DOCK4: variants seen among roughly 807,000 people sequenced by gnomAD.
The protein encoded by DOCK4 is dedicator of cytokinesis protein 4.
A neutral mutation model predicts 268.1 loss-of-function variants in DOCK4; 97 were observed. The ratio of observed to expected loss-of-function variants is 0.36; its 90% confidence interval spans 0.31 to 0.43. The LOEUF (loss-of-function observed/expected upper bound fraction) is 0.43, where lower values mean the gene tolerates loss of function less well. Ranked by LOEUF, DOCK4 falls within the 20% of genes least tolerant of loss-of-function variation. DOCK4 has a pLI of 1.00. For missense variants in DOCK4, 2,145 were observed against 2,455.7 expected, an observed-to-expected ratio of 0.87 and a Z score of 2.67; for synonymous variants, 954 against 887.2, an observed-to-expected ratio of 1.08 and a Z score of -1.34.
Position 111,867,938 on chromosome 7 carries a change from T to A in DOCK4, c.2280+46A>T, listed in dbSNP as rs570803461. ...CGCTGCTGTGTAAAAATAAATAAAC[T>A]GCACTTATCGTTTTCTTCTATTCAG... On this transcript the variant is annotated intron_variant, in intron 22 of 52. Transcript: ENST00000428084. 2.4e-5 allele frequency: 35 copies of A among 1,447,614 alleles called. No homozygotes were observed. The East Asian group carries it at 7.8e-4, about 32-fold the overall frequency. The allele number at this position is 1,447,614 out of a possible 1,614,324, so 89.7% of individuals were successfully genotyped here. A position where few individuals can be genotyped will look rare whatever the true frequency, so the allele number is the denominator to read the frequency against.
At chr7:111,919,302 T>G (rs1792900050) in intron 12 of DOCK4, among the ~76,000 whole-genome samples, 1 of 148,264 alleles carries the variant, frequency 6.7e-6, no homozygotes, top group South Asian at 2.2e-4. Context: ...GGAGGGGGAG[T>G]AATAATAAAC....
intron 1 of DOCK4, among the ~76,000 whole-genome samples, chr7:112,099,548 C>G (rs1270546101): frequency 6.6e-6 from 1 of 152,186 alleles, no homozygotes; most frequent in Non-Finnish European, 1.5e-5. Context: ...GGAAGGGTAA[C>G]AGTTCTGCTG....
intron 23 of DOCK4, among the ~76,000 whole-genome samples, chr7:111,850,029 T>G (rs1332379653): frequency 6.6e-6 from 1 of 152,104 alleles, no homozygotes; most frequent in Non-Finnish European, 1.5e-5. Context: ...TTGCTGCTAT[T>G]TCTTATGCAT....
chr7:111,977,413 GT>G, intron 7 of DOCK4, 130 bp from the exon 8 acceptor site: 22 of 1,008,286 alleles, frequency 2.2e-5, no homozygotes, highest in Non-Finnish European at 2.7e-5. Flanking sequence ...TGTGGATTTG[GT>G]ATCTAAATCC....
At chr7:111,833,757 T>G (rs1301601443) in intron 26 of DOCK4, among the ~76,000 whole-genome samples, 1 of 152,188 alleles carries the variant, frequency 6.6e-6, no homozygotes, top group Admixed American at 6.5e-5. Context: ...ATGTACTATC[T>G]ATATTAAAAA....
At chr7:112,120,784 G>C (rs1812660239) in intron 1 of DOCK4, among the ~76,000 whole-genome samples, 1 of 152,184 alleles carries the variant, frequency 6.6e-6, no homozygotes, top group Non-Finnish European at 1.5e-5. Context: ...AATGACCTCA[G>C]AGGCCTGATT....
intron 1 of DOCK4, among the ~76,000 whole-genome samples, chr7:112,047,883 G>T (rs1307857654): frequency 1.3e-5 from 2 of 152,042 alleles, no homozygotes; most frequent in African/African-American, 2.4e-5. Flanking sequence ...TAGAAATGGG[G>T]TCTCGCTATG....
chr7:111,794,308 C>T (rs1196065782), intron 30 of DOCK4, among the ~76,000 whole-genome samples: 1 of 152,146 alleles, frequency 6.6e-6, no homozygotes, highest in Non-Finnish European at 1.5e-5. Context: ...AATACTCTAG[C>T]AGGTGTCAAA....
chr7:112,107,857 T>C (rs1302090956), intron 1 of DOCK4, among the ~76,000 whole-genome samples: 2 of 152,214 alleles, frequency 1.3e-5, no homozygotes, highest in African/African-American at 4.8e-5. Flanking sequence ...GCTGATTGCC[T>C]GTGACCAAGG....
intron 1 of DOCK4, among the ~76,000 whole-genome samples, chr7:112,091,258 G>GTT (rs1217975481): frequency 6.6e-6 from 1 of 152,092 alleles, no homozygotes; most frequent in Non-Finnish European, 1.5e-5. Context: ...CTCCCCTTAA[G>GTT]AAGAAAGAGA....
chr7:111,741,619 T>A lies in DOCK4; in HGVS notation c.4840A>T (p.Asn1614Tyr), dbSNP rs765502490. ...TTTCTACACACACGAGGGCTTCCAT[T>A]AGGAAAATGGACAGGACTGGCTTGC... ...CMQASPVHFPNGSPRVCRNSA... is the reference protein window; with the variant it reads ...CMQASPVHFPYGSPRVCRNSA... Residue 1614 changes from asparagine (N) to tyrosine (Y), a missense_variant, in exon 46 of 53, where the codon AAT becomes TAT. By Grantham distance (143) the Asn-to-Tyr change is moderately radical (BLOSUM62 -2). Transcript: ENST00000428084. 2.5e-6 allele frequency: 4 copies of A among 1,613,568 alleles called. No homozygotes were observed. In the Admixed American group the frequency reaches 6.7e-5, roughly 27 times the overall value.
In DOCK4 at chr7:111,989,128, G is replaced by A. The variant is rs765987748; in HGVS notation, c.351C>T (p.His117=). Reference sequence around the variant, plus strand: ...TCAGGTCCAGGATTTCATTCATGATGTGCCACAGCCGGTGGAAGAGATCGC... The same window carrying A: ...TCAGGTCCAGGATTTCATTCATGATATGCCACAGCCGGTGGAAGAGATCGC... The part of the protein sequence containing the change: ...NEGDLFHRLW[H]IMNEILDLRR... Residue 117 remains histidine, a synonymous_variant, in exon 6 of 53, where the codon CAC becomes CAT. Transcript: ENST00000428084. 1 of 1,614,032 alleles carries A rather than the reference G, an allele frequency of 6.2e-7. No individual in the cohort carries two copies. Among genetic ancestry groups the A allele is most frequent in the Non-Finnish European group, 8.5e-7 (1 of 1,179,892 alleles).
intron 44 of DOCK4, among the ~76,000 whole-genome samples, chr7:111,745,616 G>A (rs13237875): frequency 0.061 from 8,977 of 147,956 alleles, 357 homozygotes; most frequent in Non-Finnish European, 0.09. Context: ...CCCAGGAGGC[G>A]GAGCTTGCAG....
intron 37 of DOCK4, among the ~76,000 whole-genome samples, chr7:111,768,867 G>C (rs1797935315): frequency 6.6e-6 from 1 of 152,128 alleles, no homozygotes; most frequent in African/African-American, 2.4e-5. Flanking sequence ...CTGCATGTTT[G>C]GGTCTCTGAC....
intron 1 of DOCK4, among the ~76,000 whole-genome samples, chr7:112,036,529 T>C (rs1803782520): frequency 6.6e-6 from 1 of 152,240 alleles, no homozygotes; most frequent in Non-Finnish European, 1.5e-5. Context: ...CTAAATTTCA[T>C]TTGCTTTTAT....
At chr7:111,883,287 C>T (rs1460581017) in intron 16 of DOCK4, among the ~76,000 whole-genome samples, 2 of 152,178 alleles carry the variant, frequency 1.3e-5, no homozygotes, top group African/African-American at 2.4e-5. Context: ...ACCCCACATT[C>T]ACCCTATCTG....
Position 111,726,390 on chromosome 7 carries a change from T to A in DOCK4, c.*1884A>T, listed in dbSNP as rs144247317. On this transcript the variant is annotated 3_prime_UTR_variant, in exon 53 of 53. Coordinates refer to ENST00000428084, the MANE Select transcript of DOCK4 (RefSeq NM_001363540.2). ...AAATCAAGGAAGCTTTGTTATCTTA[T>A]GCATGTCATCTTATTTAAATGGAAG... The A allele has an allele frequency of 6.6e-6, 1 of 152,628 alleles. No homozygotes were observed. Among genetic ancestry groups the A allele is most frequent in the African/African-American group, 2.4e-5 (1 of 41,578 alleles). The allele number at this position is 152,628 out of a possible 1,614,324, so 9.5% of individuals were successfully genotyped here. A position where few individuals can be genotyped will look rare whatever the true frequency, so the allele number is the denominator to read the frequency against.
chr7:111,786,592 CA>C, intron 32 of DOCK4, among the ~76,000 whole-genome samples: 1 of 152,202 alleles, frequency 6.6e-6, no homozygotes, highest in Admixed American at 6.5e-5. Flanking sequence ...AGTCTTACTC[CA>C]AGGGGTCCAT....
chr7:111,987,951 G>C (rs1272170678), intron 6 of DOCK4, among the ~76,000 whole-genome samples: 1 of 152,190 alleles, frequency 6.6e-6, no homozygotes, highest in African/African-American at 2.4e-5. Context: ...TGAGATGGAG[G>C]TTTAAAAATC....
Sources: allele counts gnomAD v4.1 joint callset (sites outside exome capture counted in the v4.1 genomes callset), GRCh38; gene constraint gnomAD v4.1.1; transcripts MANE v1.5; gene names NCBI Gene and HGNC (gene_info 2026-07-23, HGNC 2026-07-21).